The following TTC7B variants were observed in gnomAD, a reference collection of about 807,000 sequenced individuals.
The protein encoded by TTC7B is tetratricopeptide repeat protein 7B.
In TTC7B, 28 loss-of-function variants were observed where a neutral mutation model predicts 106.8. That is an observed-to-expected ratio of 0.26 (90% confidence interval 0.19 to 0.36). The LOEUF is 0.36. Ranked by LOEUF, TTC7B falls within the 10% of genes least tolerant of loss-of-function variation. The pLI is 1.00. For missense variants in TTC7B, 862 were observed against 1,076.4 expected (o/e 0.80, Z 2.79); for synonymous variants, 405 against 430.6 (o/e 0.94, Z 0.74).
At position 90,676,515 on chromosome 14, in the gene TTC7B, A is replaced by C. The variant is rs1886845643; in HGVS notation, c.1152+8T>G. 19 of 1,613,312 alleles carry C rather than the reference A, an allele frequency of 1.2e-5. No homozygotes were observed. The highest frequency in any genetic ancestry group is 1.6e-5 in the Non-Finnish European group (19 of 1,179,514). Reference sequence around the variant, plus strand: ...CACCTGGATGTCAACCAGACTCAGCAGCTGTACCTCTGACAGCATCTCATA... The same window carrying C: ...CACCTGGATGTCAACCAGACTCAGCCGCTGTACCTCTGACAGCATCTCATA... On this transcript the variant is annotated splice_region_variant and intron_variant, in intron 9 of 19. Coordinates refer to ENST00000328459, the MANE Select transcript of TTC7B (RefSeq NM_001010854.2).
chr14:90,759,698 T>G lies in TTC7B; in HGVS notation c.446-14776A>C, dbSNP rs1890434983. On this transcript the variant is annotated intron_variant, in intron 3 of 19. Coordinates refer to ENST00000328459, the MANE Select transcript of TTC7B (RefSeq NM_001010854.2). This position sits in a 1 kb window ranked among gnomAD's most constrained non-coding sequence, Gnocchi z 4.1. ...AGACACAAGAGTATTTGTTTTTATA[T>G]CAGGCCCAAACCAAAACCTATTCTG... is the stretch of plus-strand genomic sequence containing the variant. Among the ~76,000 whole-genome samples the G allele has an allele frequency of 1.3e-5, 2 of 152,352 alleles. No homozygotes were observed. The highest frequency in any genetic ancestry group is 2.9e-5 in the Non-Finnish European group (2 of 68,038).
At chr14:90,601,504 G>A (rs1429898015) in intron 17 of TTC7B, among the ~76,000 whole-genome samples, 2 of 152,214 alleles carry the variant, frequency 1.3e-5, no homozygotes, top group African/African-American at 4.8e-5. Context: ...TACTGCTAAA[G>A]AGAGCAGCAA....
At chr14:90,593,130 T>C (rs758492504) in intron 18 of TTC7B, among the ~76,000 whole-genome samples, 1 of 152,154 alleles carries the variant, frequency 6.6e-6, no homozygotes, top group Non-Finnish European at 1.5e-5. Context: ...ATCTACCCAG[T>C]TGGTACAGCT....
intron 16 of TTC7B, among the ~76,000 whole-genome samples, chr14:90,613,797 G>C (rs187849366): frequency 6.6e-6 from 1 of 152,400 alleles, no homozygotes; most frequent in Middle Eastern, 3.4e-3. Flanking sequence ...GTAGTAGAGC[G>C]AAAGGAAACT....
chr14:90,675,694 A>G (rs755509402), intron 9 of TTC7B, among the ~76,000 whole-genome samples: 3 of 152,220 alleles, frequency 2.0e-5, no homozygotes, highest in African/African-American at 4.8e-5. Flanking sequence ...ATTTCAGCCA[A>G]TCTGTTACTG....
intron 15 of TTC7B, among the ~76,000 whole-genome samples, chr14:90,639,714 T>C (rs1885088914): frequency 6.6e-6 from 1 of 152,242 alleles, no homozygotes; most frequent in African/African-American, 2.4e-5. Context: ...CCAGGAGCCC[T>C]GTAAAGAAGA....
chr14:90,785,176 C>T (rs1891344484), intron 2 of TTC7B, among the ~76,000 whole-genome samples: 1 of 152,042 alleles, frequency 6.6e-6, no homozygotes, highest in Non-Finnish European at 1.5e-5. Context: ...CACAGCAAGT[C>T]GGGAGCAGGC....
chr14:90,574,938 C>T (rs1226134441), intron 19 of TTC7B, among the ~76,000 whole-genome samples: 1 of 152,226 alleles, frequency 6.6e-6, no homozygotes, highest in African/African-American at 2.4e-5. Flanking sequence ...CTCTTTGATG[C>T]TCCCTAGGGC....
intron 19 of TTC7B, among the ~76,000 whole-genome samples, chr14:90,545,669 C>A (rs776305590): frequency 3.9e-5 from 6 of 152,246 alleles, no homozygotes; most frequent in Non-Finnish European, 8.8e-5. Flanking sequence ...GGAGAACCCA[C>A]CAGTCCCTTC....
Position 90,608,092 on chromosome 14 carries a change from C to T in TTC7B, c.1966+2650G>A, listed in dbSNP as rs967317800. Reference sequence around the variant, plus strand: ...TCTGTGTTGTGGGTGGTTCGCAAGGCGGGCTCTCCACACAGGTGTGTGAAT... The same window carrying T: ...TCTGTGTTGTGGGTGGTTCGCAAGGTGGGCTCTCCACACAGGTGTGTGAAT... On this transcript the variant is annotated intron_variant, in intron 17 of 19. Coordinates refer to ENST00000328459, the MANE Select transcript of TTC7B (RefSeq NM_001010854.2). The surrounding 1 kb of genome is among the most constrained non-coding windows in gnomAD (Gnocchi z 5.1). Among the ~76,000 whole-genome samples, 22 of 152,250 alleles carry T rather than the reference C, an allele frequency of 1.4e-4. No individual in the cohort carries two copies. In the East Asian group the frequency reaches 1.9e-3, roughly 13 times the overall value.
At chr14:90,629,470 G>C (rs1002159743) in intron 15 of TTC7B, among the ~76,000 whole-genome samples, 1 of 152,170 alleles carries the variant, frequency 6.6e-6, no homozygotes, top group South Asian at 2.1e-4. Flanking sequence ...TGAAACACAG[G>C]CAGACACAAG....
intron 3 of TTC7B, chr14:90,766,892 G>A (rs749489029): frequency 3.8e-6 from 6 of 1,585,874 alleles, no homozygotes; most frequent in Non-Finnish European, 5.2e-6. Context: ...CGGGCCCATA[G>A]AGGGCTGTGC....
chr14:90,607,974 C>G (rs1340371142), intron 17 of TTC7B, among the ~76,000 whole-genome samples: 3 of 152,224 alleles, frequency 2.0e-5, no homozygotes, highest in African/African-American at 7.2e-5. Flanking sequence ...GGAAGCCAAA[C>G]TTCTCTACAG....
At position 90,658,929 on chromosome 14, in the gene TTC7B, C is replaced by T. The variant is rs573434116; in HGVS notation, c.1153-542G>A. 2.6e-5 allele frequency among the ~76,000 whole-genome samples: 4 copies of T among 152,328 alleles called. No individual in the cohort carries two copies. In the East Asian group the frequency reaches 7.7e-4, roughly 29 times the overall value. On this transcript the variant is annotated intron_variant, in intron 9 of 19. Coordinates refer to ENST00000328459, the MANE Select transcript of TTC7B (RefSeq NM_001010854.2). ...GTCAGCGAGGAGCCTCTGGTCCCTG[C>T]ACAGAGTGACATGATGACGTTAGAG...
intron 18 of TTC7B, among the ~76,000 whole-genome samples, chr14:90,579,354 C>T (rs1299171380): frequency 6.6e-6 from 1 of 152,258 alleles, no homozygotes; most frequent in Non-Finnish European, 1.5e-5. Flanking sequence ...TTCCTCAGCA[C>T]TCTTGCCTTG....
At chr14:90,784,333 G>T (rs1020130556) in intron 2 of TTC7B, among the ~76,000 whole-genome samples, 1 of 152,158 alleles carries the variant, frequency 6.6e-6, no homozygotes, top group Non-Finnish European at 1.5e-5. Context: ...TGAGGTGGGC[G>T]GATCACGAGG....
At chr14:90,562,804 C>A (rs978531172) in intron 19 of TTC7B, among the ~76,000 whole-genome samples, 1 of 152,208 alleles carries the variant, frequency 6.6e-6, no homozygotes, top group East Asian at 1.9e-4. Flanking sequence ...TCAAACTTGC[C>A]CGAATGTCCC....
chr14:90,760,720 G>A (rs946263023), intron 3 of TTC7B, among the ~76,000 whole-genome samples: 1 of 152,184 alleles, frequency 6.6e-6, no homozygotes, highest in African/African-American at 2.4e-5. Flanking sequence ...TACTTGCTGG[G>A]GCCTTGCAGG....
chr14:90,766,719 G>A, intron 3 of TTC7B: 2 of 1,530,382 alleles, frequency 1.3e-6, no homozygotes, highest in African/African-American at 1.4e-5. Context: ...CTGAGGATGA[G>A]GTGGAACGTG....
Sources: allele counts gnomAD v4.1 joint callset (sites outside exome capture counted in the v4.1 genomes callset), GRCh38; gene constraint gnomAD v4.1.1; non-coding constraint Gnocchi (gnomAD v3.1); transcripts MANE v1.5; gene names NCBI Gene and HGNC (gene_info 2026-07-23, HGNC 2026-07-21).